THBS2: variants seen among roughly 807,000 people sequenced by gnomAD.
The protein encoded by THBS2 is thrombospondin 2.
THBS2 carries 47 observed loss-of-function variants against 135.2 expected under a neutral mutation model. The observed-to-expected ratio is 0.35, with a 90% CI of 0.28 to 0.44. The LOEUF is 0.44. Among genes scored for constraint, THBS2 ranks in the 20% least tolerant of loss-of-function variants. THBS2 has a pLI of 1.00. For synonymous variants in THBS2, 639 were observed against 633.8 expected (o/e 1.01, Z -0.12); for missense variants, 1,288 against 1,603.1 (o/e 0.80, Z 3.36).
chr6:169,234,539 C>A (rs1032956922), intron 10 of THBS2, 195 bp downstream of exon 10: 28 of 601,350 alleles, frequency 4.7e-5, no homozygotes, highest in Middle Eastern at 6.9e-4. Flanking sequence ...GGCCACGCCA[C>A]CTGGCATCTT....
intron 15 of THBS2, among the ~76,000 whole-genome samples, chr6:169,226,641 A>T (rs1183469013): frequency 6.6e-6 from 1 of 152,228 alleles, no homozygotes; most frequent in Non-Finnish European, 1.5e-5. Context: ...CTTGGAAAGT[A>T]TGTGTTGAGT....
At chr6:169,229,731 T>C in intron 13 of THBS2, 52 bp from the exon 14 acceptor site, 2 of 1,450,340 alleles carry the variant, frequency 1.4e-6, no homozygotes, top group Non-Finnish European at 9.7e-7. Flanking sequence ...AAAGCGCCTC[T>C]TTCAGGAATG....
In THBS2 at chr6:169,248,447, G is replaced by A. The variant is rs751341668; in HGVS notation, c.579C>T (p.Ala193=). 3 of 1,610,894 alleles carry A rather than the reference G, an allele frequency of 1.9e-6. No homozygotes were observed. The highest frequency in any genetic ancestry group is 2.2e-5 in the East Asian group (1 of 44,794). Residue 193 remains alanine, a synonymous_variant, in exon 3 of 22, where the codon GCC becomes GCT. Transcript: ENST00000617924. ...LQAEKSRMYV[A]KGSARESHFR... The stretch of plus-strand genomic sequence containing the variant: ...AGTGACTCTCTCTGGCAGAGCCTTT[G>A]GCCACGTACATCCGGCTCTTTTCCG...
Position 169,241,515 on chromosome 6 carries a change from T to C in THBS2, c.891+247A>G, listed in dbSNP as rs1410283476. ...ATTTCCCAAAATTAAGAATTTATTTTGGAGACTGTGCCCAGGACTGTTTTC... is the reference window on the plus strand; with the variant it reads ...ATTTCCCAAAATTAAGAATTTATTTCGGAGACTGTGCCCAGGACTGTTTTC... On this transcript the variant is annotated intron_variant, in intron 5 of 21. Coordinates refer to ENST00000617924, the MANE Select transcript of THBS2 (RefSeq NM_003247.5). The surrounding 1 kb of genome is among the most constrained non-coding windows in gnomAD (Gnocchi z 5.5). Among the ~76,000 whole-genome samples the C allele has an allele frequency of 6.6e-6, 1 of 152,168 alleles. No individual in the cohort carries two copies. Among genetic ancestry groups the C allele is most frequent in the African/African-American group, 2.4e-5 (1 of 41,440 alleles).
chr6:169,222,091 T>C (rs1409872352), intron 19 of THBS2, 106 bp downstream of exon 19: 1 of 1,360,870 alleles, frequency 7.3e-7, no homozygotes, highest in Non-Finnish European at 9.9e-7. Flanking sequence ...GGAGTTAAAA[T>C]TAATAAAGAC....
At position 169,223,292 on chromosome 6, in the gene THBS2, T is replaced by C. The variant is rs763407665; in HGVS notation, c.2957A>G (p.Lys986Arg). The change falls in exon 18 of 22, where the codon AAG (lysine) becomes AGG (arginine). Residue 986 changes from lysine to arginine, a missense_variant. Physicochemically the swap from Lys to Arg is conservative, Grantham distance 26. Transcript: ENST00000617924. ...CGAGTTGGCTGTCTGAACCAGCTCC[T>C]TGCCTTGATGGCGAATGACCCAGTT... ...DPNWVIRHQG[K>R]ELVQTANSDP... The C allele has an allele frequency of 1.5e-5, 24 of 1,614,074 alleles. No homozygotes were observed. The South Asian group carries it at 2.6e-4, about 18-fold the overall frequency.
In THBS2 at chr6:169,232,820, C is replaced by T. The variant is rs13196021; in HGVS notation, c.1780-4G>A. The T allele has an allele frequency of 0.017, 27,703 of 1,611,900 alleles. 283 individuals carry two copies. Among genetic ancestry groups the T allele is most frequent in the Middle Eastern group, 0.023 (140 of 6,032 alleles). ...AGATGTCGGGGACCAGGGCACACTGCGGGGACAAGCAGACATGAGAGGCCG... is the reference window on the plus strand; with the variant it reads ...AGATGTCGGGGACCAGGGCACACTGTGGGGACAAGCAGACATGAGAGGCCG... On this transcript the variant is annotated splice_region_variant and splice_polypyrimidine_tract_variant and intron_variant, in intron 11 of 21. Transcript: ENST00000617924.
At chr6:169,220,099 T>G in intron 21 of THBS2, 99 bp downstream of exon 21, 1 of 1,459,290 alleles carries the variant, frequency 6.9e-7, no homozygotes, top group South Asian at 1.3e-5. Context: ...TTTATTGCCC[T>G]GATGTACAGC....
chr6:169,230,020 T>C (rs1192367349), intron 13 of THBS2, among the ~76,000 whole-genome samples: 1 of 152,192 alleles, frequency 6.6e-6, no homozygotes, highest in Non-Finnish European at 1.5e-5. Flanking sequence ...GAGGCTTTAG[T>C]GGTGCTTTCC....
At chr6:169,224,522 AAG>A (rs148250674) in intron 17 of THBS2, among the ~76,000 whole-genome samples, 14,371 of 152,178 alleles carry the variant, frequency 0.094, 746 homozygotes, top group South Asian at 0.12. Context: ...GTGGCTTCCA[AAG>A]AGAGCCTGTG....
chr6:169,218,554 AGGTGGATGGGGCTG>A (rs574082658), intron 21 of THBS2, among the ~76,000 whole-genome samples: 11 of 71,966 alleles, frequency 1.5e-4, no homozygotes, highest in African/African-American at 5.6e-4. Context: ...CTAGATGGAT[AGGTGGATGGGGCTG>A]GGTGGATGGA....
rs1779175416 is a variant in THBS2, at chr6:169,216,444, C to CA, written c.*1377dup. 6.6e-6 allele frequency: 1 copy of CA among 152,020 alleles called. No homozygotes were observed. Among genetic ancestry groups the CA allele is most frequent in the East Asian group, 1.9e-4 (1 of 5,196 alleles). The allele number at this position is 152,020 out of a possible 1,614,324, so 9.4% of individuals were successfully genotyped here. A position where few individuals can be genotyped will look rare whatever the true frequency, so the allele number is the denominator to read the frequency against. On this transcript the variant is annotated 3_prime_UTR_variant, in exon 22 of 22. Coordinates refer to ENST00000617924, the MANE Select transcript of THBS2 (RefSeq NM_003247.5). ...AACCAACCAACAAAAAAAACAAAAA[C>CA]AAAAACAAACTTGTGCATATTACAC... is the stretch of plus-strand genomic sequence containing the variant.
chr6:169,226,145 G>C (rs199512059), intron 16 of THBS2, 35 bp downstream of exon 16: 1 of 1,569,862 alleles, frequency 6.4e-7, no homozygotes, highest in East Asian at 2.3e-5. Flanking sequence ...CTCTGATGAG[G>C]ACCTCCAACC....
At chr6:169,242,078 A>G (rs1438366730) in intron 4 of THBS2, 120 bp from the exon 5 acceptor site, 12 of 1,135,400 alleles carry the variant, frequency 1.1e-5, no homozygotes, top group Non-Finnish European at 1.5e-5. Flanking sequence ...TGGGAGACAC[A>G]AGGCGGAGGA....
chr6:169,221,566 C>A lies in THBS2; in HGVS notation c.3274-39G>T, dbSNP rs763628554. 6.3e-6 allele frequency: 10 copies of A among 1,593,996 alleles called. No individual in the cohort carries two copies. In the Admixed American group the frequency reaches 1.3e-4, roughly 21 times the overall value. On this transcript the variant is annotated intron_variant, in intron 19 of 21. Transcript: ENST00000617924. ...TAGCACTCTTGAGTGCCATGGGCAC[C>A]CGGAGCCTTAACCACAGCTCTGTAA...
At chr6:169,239,840 C>T (rs1458215356) in intron 6 of THBS2, 145 bp from the exon 7 acceptor site, 3 of 666,400 alleles carry the variant, frequency 4.5e-6, no homozygotes, top group African/African-American at 1.8e-5. Context: ...AAAATAAGGG[C>T]ATCTTTTTCT....
chr6:169,236,454 A>G (rs1780077554), intron 9 of THBS2, among the ~76,000 whole-genome samples: 1 of 99,290 alleles, frequency 1.0e-5, no homozygotes, highest in African/African-American at 4.0e-5. Context: ...ATTGCCCCGT[A>G]AACACCATCC....
At chr6:169,239,273 A>C (rs532413579) in intron 7 of THBS2, 638 of 390,508 alleles carry the variant, frequency 1.6e-3, no homozygotes, top group Middle Eastern at 2.1e-3. Flanking sequence ...TCACAGATCT[A>C]CGTGTGTTCT....
At chr6:169,248,393 C>G (rs368601253) in intron 3 of THBS2, 24 bp downstream of exon 3, 1 of 1,575,998 alleles carries the variant, frequency 6.3e-7, no homozygotes, top group Non-Finnish European at 8.6e-7. Context: ...TCCCTCACGG[C>G]GGCCACCTCC....
Sources: gnomAD v4.1 joint callset for allele counts (sites outside exome capture counted in the v4.1 genomes callset) on GRCh38, gnomAD v4.1.1 for gene constraint, Gnocchi (gnomAD v3.1) non-coding constraint, MANE v1.5 for transcripts, NCBI Gene and HGNC (gene_info 2026-07-23, HGNC 2026-07-21) for gene names.